Variants in ZFAT observed in about 807,000 individuals in gnomAD.
The protein encoded by ZFAT is zinc finger and AT-hook domain containing.
ZFAT carries 64 observed loss-of-function variants against 117.7 expected under a neutral mutation model. The ratio of observed to expected loss-of-function variants is 0.54; its 90% CI spans 0.44 to 0.67. The LOEUF (loss-of-function observed/expected upper bound fraction) is 0.67, where lower values mean the gene tolerates loss of function less well. ZFAT is among the 30% of genes least tolerant of loss of function. The pLI, the probability that ZFAT is intolerant of heterozygous loss-of-function variation, is 0.00. For missense variants in ZFAT, 1,433 were observed against 1,584.5 expected (o/e 0.90, Z 1.62); for synonymous variants, 679 against 615.0 (o/e 1.10, Z -1.54).
the ZFAT span, among the ~76,000 whole-genome samples, chr8:134,755,966 T>C: frequency 6.6e-6 from 1 of 152,176 alleles, no homozygotes; most frequent in African/African-American, 2.4e-5. Flanking sequence ...TGGCACATGG[T>C]AATTGTTCAA....
chr8:134,711,530 G>A (rs1339295822), intron 1 of ZFAT, among the ~76,000 whole-genome samples: 3 of 152,166 alleles, frequency 2.0e-5, no homozygotes, highest in Admixed American at 6.5e-5. Context: ...GCTGAGGCGG[G>A]AGGTTTACCT....
chr8:134,673,074 A>G (rs1832635571), intron 1 of ZFAT: 1 of 152,230 alleles, frequency 6.6e-6, no homozygotes, highest in Non-Finnish European at 1.5e-5. Flanking sequence ...GAAGAAATAC[A>G]ACAATTATAC....
chr8:134,721,549 C>T, the ZFAT span, among the ~76,000 whole-genome samples: 2 of 152,172 alleles, frequency 1.3e-5, no homozygotes, highest in African/African-American at 4.8e-5. Context: ...CTGCACCCGA[C>T]GGCTCGCCAT....
At chr8:134,745,491 C>A in the ZFAT span, among the ~76,000 whole-genome samples, 37 of 152,258 alleles carry the variant, frequency 2.4e-4, no homozygotes, top group African/African-American at 8.7e-4. Flanking sequence ...TGGGTTAAGA[C>A]TTTATTACTT....
rs115048865 is a variant in ZFAT, at chr8:134,556,861, C to T, written c.2976+8472G>A. On this transcript the variant is annotated intron_variant, in intron 11 of 15. Coordinates refer to ENST00000377838, the MANE Select transcript of ZFAT (RefSeq NM_020863.4). ...ATCTGCGGGGAGAAAATGAAGAATA[C>T]CAGAAAGGTGAATTATGCAGGTAAA... 7.5e-3 allele frequency among the ~76,000 whole-genome samples: 1,136 copies of T among 151,846 alleles called. 25 individuals are homozygous for T. Among genetic ancestry groups the T allele is most frequent in the African/African-American group, 0.026 (1,082 of 41,436 alleles).
intron 1 of ZFAT, 36 bp downstream of exon 1, chr8:134,712,809 C>T: frequency 9.9e-7 from 1 of 1,010,946 alleles, no homozygotes; most frequent in South Asian, 1.5e-5. Flanking sequence ...CGCCCCACCC[C>T]CACCCCGTCT....
At chr8:134,733,811 A>G in the ZFAT span, among the ~76,000 whole-genome samples, 1 of 152,350 alleles carries the variant, frequency 6.6e-6, no homozygotes, top group East Asian at 1.9e-4. Flanking sequence ...TGTTTTGTGC[A>G]TGGAACATTC....
the ZFAT span, among the ~76,000 whole-genome samples, chr8:134,722,526 T>G: frequency 1.3e-5 from 2 of 152,158 alleles, no homozygotes; most frequent in Admixed American, 6.5e-5. Context: ...GATCATGAGA[T>G]GTAGCACAGC....
the ZFAT span, among the ~76,000 whole-genome samples, chr8:134,814,535 A>C: frequency 6.6e-6 from 1 of 152,358 alleles, no homozygotes; most frequent in Non-Finnish European, 1.5e-5. Context: ...AAACTGGCTT[A>C]TGGCTGGGAG....
At chr8:134,786,009 C>G in the ZFAT span, 2 of 152,056 alleles carry the variant, frequency 1.3e-5, no homozygotes, top group African/African-American at 4.8e-5. Context: ...TTATTAGGTC[C>G]CCTTAGAGTT....
chr8:134,606,933 C>T (rs1827933879), intron 5 of ZFAT, among the ~76,000 whole-genome samples: 1 of 151,914 alleles, frequency 6.6e-6, no homozygotes. Flanking sequence ...TATATAATAA[C>T]TCTGTATCAT....
chr8:134,697,781 A>G (rs1251214142), intron 1 of ZFAT, among the ~76,000 whole-genome samples: 1 of 148,778 alleles, frequency 6.7e-6, no homozygotes, highest in Non-Finnish European at 1.5e-5. Flanking sequence ...GGGTTTCACC[A>G]TGTTGGCCAG....
the ZFAT span, among the ~76,000 whole-genome samples, chr8:134,787,754 C>T: frequency 3.3e-5 from 5 of 151,694 alleles, no homozygotes; most frequent in Admixed American, 6.6e-5. Context: ...GATTAATTTA[C>T]AAAATTGACT....
chr8:134,601,962 T>C lies in ZFAT; in HGVS notation c.1757A>G (p.Asp586Gly). 1 of 1,613,972 alleles carries C rather than the reference T, an allele frequency of 6.2e-7. No individual in the cohort carries two copies. Among genetic ancestry groups the C allele is most frequent in the Non-Finnish European group, 8.5e-7 (1 of 1,180,014 alleles). ...ELETTVVSSS[D>G]LHSQEVVSDD... is the part of the protein sequence containing the mutation. ...TGAAACCACCTCTTGAGAATGCAGGTCTGAGGAGGAGACCACGGTGGTTTC... is the reference window on the plus strand; with the variant it reads ...TGAAACCACCTCTTGAGAATGCAGGCCTGAGGAGGAGACCACGGTGGTTTC... Residue 586 changes from aspartate to glycine, a missense_variant, in exon 6 of 16, where the codon GAC becomes GGC. By Grantham distance (94) the Asp-to-Gly change is moderately conservative. Coordinates refer to ENST00000377838, the MANE Select transcript of ZFAT (RefSeq NM_020863.4).
At chr8:134,524,831 A>G (rs998256125) in intron 12 of ZFAT, among the ~76,000 whole-genome samples, 1 of 152,148 alleles carries the variant, frequency 6.6e-6, no homozygotes, top group Non-Finnish European at 1.5e-5. Flanking sequence ...TCTTTATCTT[A>G]CCACTAGTAC....
In ZFAT at chr8:134,499,488, G is replaced by A. The variant is rs182412446; in HGVS notation, c.3492+10131C>T. 4.1e-3 allele frequency among the ~76,000 whole-genome samples: 607 copies of A among 148,614 alleles called. 1 individual carries two copies. Among genetic ancestry groups the A allele is most frequent in the Non-Finnish European group, 6.1e-3 (409 of 67,426 alleles). ...CCGTTGCTGGTTACACACAGAGCCT[G>A]ATTTGGTAGGGTTGGCATGGAGCTG... On this transcript the variant is annotated intron_variant, in intron 15 of 15. Transcript: ENST00000377838.
intron 1 of ZFAT, among the ~76,000 whole-genome samples, chr8:134,691,532 T>C (rs549139819): frequency 2.0e-5 from 3 of 152,340 alleles, no homozygotes; most frequent in African/African-American, 4.8e-5. Flanking sequence ...TTTTGCAAGG[T>C]GAGGAGGACG....
chr8:134,617,245 C>T (rs1444065139), intron 3 of ZFAT, among the ~76,000 whole-genome samples: 3 of 152,216 alleles, frequency 2.0e-5, no homozygotes, highest in Admixed American at 6.5e-5. Flanking sequence ...ACACCTGGAG[C>T]AGGGACTATG....
In ZFAT at chr8:134,509,717, G is replaced by C. The variant is rs566191175; in HGVS notation, c.3394C>G (p.Leu1132Val). Residue 1132 changes from leucine to valine, a missense_variant, in exon 15 of 16, where the codon CTG becomes GTG. This residue lies in a region of ZFAT where 503 missense variants were observed against 543.4 expected (regional missense o/e 0.93). Transcript: ENST00000377838. Reference protein sequence around the residue: ...DRLDPTAVNILQQIIELGAET... With the variant: ...DRLDPTAVNIVQQIIELGAET... ...GCGCCCAGCTCAATGATCTGCTGCA[G>C]GATGTTCACGGCCGTGGGGTCCAGT... The C allele has an allele frequency of 1.2e-6, 2 of 1,611,422 alleles. No individual in the cohort carries two copies. The highest frequency in any genetic ancestry group is 2.2e-5 in the South Asian group (2 of 90,988).
Sources: allele counts gnomAD v4.1 joint callset (sites outside exome capture counted in the v4.1 genomes callset), GRCh38; gene constraint gnomAD v4.1.1; regional missense constraint gnomAD v4.1.1; transcripts MANE v1.5; gene names NCBI Gene and HGNC (gene_info 2026-07-23, HGNC 2026-07-21).